NRF1: variants seen among roughly 807,000 people sequenced by gnomAD.
NRF1 encodes the protein alpha palindromic-binding protein.
Under a neutral mutation model 58.5 loss-of-function variants are expected in NRF1, and 5 were observed. The observed-to-expected ratio is 0.09, with a 90% confidence interval of 0.04 to 0.18. The LOEUF (loss-of-function observed/expected upper bound fraction) is 0.18, where lower values mean the gene tolerates loss of function less well. Ranked by LOEUF, NRF1 falls within the 10% of genes least tolerant of loss-of-function variation. The pLI is 1.00. For missense variants in NRF1, 288 were observed against 657.7 expected, an observed-to-expected ratio of 0.44 and a Z score of 6.15; for synonymous variants, 224 against 246.7, an observed-to-expected ratio of 0.91 and a Z score of 0.86.
At chr7:129,694,864 GTA>G (rs976961590) in intron 5 of NRF1, among the ~76,000 whole-genome samples, 2 of 152,168 alleles carry the variant, frequency 1.3e-5, no homozygotes, top group Non-Finnish European at 2.9e-5. Context: ...TAAAAGGTGT[GTA>G]TCATGCCCTC....
At chr7:129,622,662 C>G (rs1800827152) in intron 1 of NRF1, among the ~76,000 whole-genome samples, 1 of 151,746 alleles carries the variant, frequency 6.6e-6, no homozygotes, top group Non-Finnish European at 1.5e-5. Flanking sequence ...CTCTGGCTCC[C>G]AGGTTCAAGC....
At chr7:129,692,288 C>T (rs537751551) in intron 5 of NRF1, among the ~76,000 whole-genome samples, 3 of 152,044 alleles carry the variant, frequency 2.0e-5, no homozygotes, top group Non-Finnish European at 2.9e-5. Flanking sequence ...TAAATCATGC[C>T]GGACGTTGTA....
At chr7:129,698,944 C>T (rs1343490605) in intron 5 of NRF1, among the ~76,000 whole-genome samples, 1 of 152,150 alleles carries the variant, frequency 6.6e-6, no homozygotes, top group Non-Finnish European at 1.5e-5. Context: ...TCTTTGGAAT[C>T]TGTATTAGAA....
intron 5 of NRF1, among the ~76,000 whole-genome samples, chr7:129,695,273 A>G (rs566885913): frequency 6.6e-6 from 1 of 151,914 alleles, no homozygotes; most frequent in East Asian, 1.9e-4. Context: ...CTTTGGAGGG[A>G]TGCACATTAA....
chr7:129,658,677 A>G lies in NRF1; in HGVS notation c.223+1103A>G, dbSNP rs1264002577. Among the ~76,000 whole-genome samples the G allele has an allele frequency of 2.0e-5, 3 of 151,538 alleles. No individual in the cohort carries two copies. In the East Asian group the frequency reaches 5.8e-4, roughly 29 times the overall value. ...TCTACAGGGATAATACAAATTTCTTAGAACACTTGCATTTCATGCGCCCAT... is the reference window on the plus strand; with the variant it reads ...TCTACAGGGATAATACAAATTTCTTGGAACACTTGCATTTCATGCGCCCAT... On this transcript the variant is annotated intron_variant, in intron 2 of 10. Transcript: ENST00000393232.
At chr7:129,673,997 C>T (rs904450827) in intron 3 of NRF1, among the ~76,000 whole-genome samples, 1 of 151,640 alleles carries the variant, frequency 6.6e-6, no homozygotes, top group African/African-American at 2.4e-5. Context: ...AAATATAAGC[C>T]AGGCATGGTG....
chr7:129,688,686 G>GGGGAAGCA (rs1802496564), intron 4 of NRF1, among the ~76,000 whole-genome samples: 1 of 146,258 alleles, frequency 6.8e-6, no homozygotes, highest in Non-Finnish European at 1.5e-5. Context: ...AGTGGCAGGA[G>GGGGAAGCA]AGAGACAGAG....
At chr7:129,703,732 A>C (rs1170179242) in intron 5 of NRF1, among the ~76,000 whole-genome samples, 1 of 152,236 alleles carries the variant, frequency 6.6e-6, no homozygotes, top group Non-Finnish European at 1.5e-5. Context: ...TATGCTTGAT[A>C]ATTAGCATTT....
chr7:129,725,951 T>C (rs1803443622), intron 9 of NRF1, among the ~76,000 whole-genome samples: 1 of 152,226 alleles, frequency 6.6e-6, no homozygotes, highest in Non-Finnish European at 1.5e-5. Context: ...GTGCTGACTG[T>C]CTTAGGTAAA....
intron 1 of NRF1, among the ~76,000 whole-genome samples, chr7:129,613,931 A>G (rs1339284030): frequency 6.6e-6 from 1 of 152,080 alleles, no homozygotes; most frequent in Non-Finnish European, 1.5e-5. Flanking sequence ...AAAAAAACAA[A>G]AACAAAAACT....
chr7:129,692,468 G>C (rs535246429), intron 5 of NRF1, among the ~76,000 whole-genome samples: 7 of 152,200 alleles, frequency 4.6e-5, no homozygotes, highest in Admixed American at 4.6e-4. Flanking sequence ...TGGGAGGATC[G>C]TTTGAGCCCC....
At chr7:129,621,711 C>T (rs750210456) in intron 1 of NRF1, among the ~76,000 whole-genome samples, 6 of 151,708 alleles carry the variant, frequency 4.0e-5, no homozygotes, top group East Asian at 1.9e-4. Flanking sequence ...TGTGGTAATG[C>T]GACTGAGTGT....
Position 129,685,488 on chromosome 7 carries a change from C to T in NRF1, c.466-4918C>T, listed in dbSNP as rs1028440669. Among the ~76,000 whole-genome samples, 54 of 151,146 alleles carry T rather than the reference C, an allele frequency of 3.6e-4. 1 individual carries two copies. On this transcript the variant is annotated intron_variant, in intron 4 of 10. Coordinates refer to ENST00000393232, the MANE Select transcript of NRF1 (RefSeq NM_005011.5). Reference sequence around the variant, plus strand: ...TTATAAAATGTTTGTTAATGTGTTACCTGTATATGTATATTTAAAATATTT... The same window carrying T: ...TTATAAAATGTTTGTTAATGTGTTATCTGTATATGTATATTTAAAATATTT...
intron 9 of NRF1, among the ~76,000 whole-genome samples, chr7:129,720,017 A>G (rs1186915801): frequency 1.3e-5 from 2 of 152,202 alleles, no homozygotes; most frequent in South Asian, 2.1e-4. Context: ...TCTAAAGGCA[A>G]GCGGGTAATG....
chr7:129,733,204 A>G (rs1314815691), intron 10 of NRF1, among the ~76,000 whole-genome samples: 2 of 152,340 alleles, frequency 1.3e-5, no homozygotes, highest in East Asian at 3.9e-4. Flanking sequence ...GCGGTGGCTC[A>G]CGCCTGTAAT....
At chr7:129,708,277 T>C (rs888937815) in intron 5 of NRF1, among the ~76,000 whole-genome samples, 1 of 152,168 alleles carries the variant, frequency 6.6e-6, no homozygotes, top group Non-Finnish European at 1.5e-5. Flanking sequence ...AAGTAGACCC[T>C]CCCCCAACAC....
intron 1 of NRF1, chr7:129,630,011 G>T (rs1401917859): frequency 6.6e-6 from 1 of 152,180 alleles, no homozygotes; most frequent in Non-Finnish European, 1.5e-5. Context: ...GGGTCCCATG[G>T]TTTACTTTGA....
chr7:129,728,028 A>G (rs1429888084), intron 10 of NRF1, among the ~76,000 whole-genome samples: 1 of 152,190 alleles, frequency 6.6e-6, no homozygotes, highest in Non-Finnish European at 1.5e-5. Flanking sequence ...ACTTCAGCCC[A>G]GTTCTTTGGG....
intron 10 of NRF1, among the ~76,000 whole-genome samples, chr7:129,731,410 C>A (rs759680906): frequency 9.2e-5 from 14 of 152,156 alleles, no homozygotes; most frequent in Admixed American, 2.0e-4. Context: ...CCCCACACTA[C>A]CCCGACACTA....
Sources: allele counts gnomAD v4.1 joint callset (sites outside exome capture counted in the v4.1 genomes callset), GRCh38; gene constraint gnomAD v4.1.1; transcripts MANE v1.5; gene names NCBI Gene and HGNC (gene_info 2026-07-23, HGNC 2026-07-21).